Variants in CACNA2D3 observed in about 807,000 individuals in gnomAD.
CACNA2D3 encodes voltage-dependent calcium channel subunit alpha-2/delta-3.
A neutral mutation model predicts 160.6 loss-of-function variants in CACNA2D3; 60 were observed. The ratio of observed to expected loss-of-function variants is 0.37; its 90% CI spans 0.30 to 0.46. CACNA2D3 has a LOEUF of 0.46. Ranked by LOEUF, CACNA2D3 falls within the 20% of genes least tolerant of loss-of-function variation. The pLI, the probability that CACNA2D3 is intolerant of heterozygous loss-of-function variation, is 1.00. For synonymous variants in CACNA2D3, 558 were observed against 492.9 expected, an observed-to-expected ratio of 1.13 and a Z score of -1.75; for missense variants, 1,205 against 1,365.0, an observed-to-expected ratio of 0.88 and a Z score of 1.85.
In CACNA2D3 at chr3:54,687,115, C is replaced by CTTTTTTTTTTTTT. The variant is rs1338617031; in HGVS notation, c.1167+44879_1167+44880insTTTTTTTTTTTTT. 5.9e-4 allele frequency among the ~76,000 whole-genome samples: 24 copies of CTTTTTTTTTTTTT among 40,904 alleles called. 1 individual carries two copies. The highest frequency in any genetic ancestry group is 1.9e-3 in the South Asian group (2 of 1,072). 26.8% of individuals were successfully genotyped at this position (40,904 alleles called of 152,430 possible). A position where few individuals can be genotyped will look rare whatever the true frequency, so the allele number is the denominator to read the frequency against. ...TTATTCAAATCGGATTTTTCTTTTT[C>CTTTTTTTTTTTTT]TTTTTCTTTTTTTTTTTTTGTTTTT... is the stretch of plus-strand genomic sequence containing the variant. On this transcript the variant is annotated intron_variant, in intron 11 of 37. Transcript: ENST00000474759.
Position 54,678,720 on chromosome 3 carries a change from C to CAAAAAAAAAAAAAAAAAAAA in CACNA2D3, c.1167+36489_1167+36508dup, listed in dbSNP as rs71096434. On this transcript the variant is annotated intron_variant, in intron 11 of 37. Coordinates refer to ENST00000474759, the MANE Select transcript of CACNA2D3 (RefSeq NM_018398.3). ...TGGGTGACAGAGTGAGACTCGGTCT[C>CAAAAAAAAAAAAAAAAAAAA]AAAAAAAAAAAAAAAAAAAAAAAAA... 1.1e-4 allele frequency among the ~76,000 whole-genome samples: 5 copies of CAAAAAAAAAAAAAAAAAAAA among 45,918 alleles called. 1 individual carries two copies. Among genetic ancestry groups the CAAAAAAAAAAAAAAAAAAAA allele is most frequent in the Non-Finnish European group, 1.8e-4 (5 of 28,278 alleles). The allele number at this position is 45,918 out of a possible 152,430, so 30.1% of individuals were successfully genotyped here.
At chr3:54,131,469 G>A (rs1163780116) in intron 2 of CACNA2D3, among the ~76,000 whole-genome samples, 1 of 152,232 alleles carries the variant, frequency 6.6e-6, no homozygotes, top group Non-Finnish European at 1.5e-5. Flanking sequence ...TTCCCTTGCT[G>A]TGGGAGCTTG....
chr3:54,170,216 G>A (rs1700538138), intron 2 of CACNA2D3, among the ~76,000 whole-genome samples: 1 of 151,642 alleles, frequency 6.6e-6, no homozygotes, highest in African/African-American at 2.4e-5. Context: ...AAAGTGAGGG[G>A]GTAAGGATGG....
intron 4 of CACNA2D3, among the ~76,000 whole-genome samples, chr3:54,449,217 AAG>A (rs1491581939): frequency 6.6e-6 from 1 of 152,304 alleles, no homozygotes; most frequent in African/African-American, 2.4e-5. Flanking sequence ...GACAAACCAC[AAG>A]AGAGAGAGCG....
At chr3:55,022,508 G>GT (rs1160393169) in intron 35 of CACNA2D3, among the ~76,000 whole-genome samples, 2 of 150,824 alleles carry the variant, frequency 1.3e-5, no homozygotes, top group East Asian at 3.9e-4. Flanking sequence ...TATTCCTCAT[G>GT]TTTTTTCTTT....
At chr3:54,489,236 G>A (rs13064139) in intron 4 of CACNA2D3, among the ~76,000 whole-genome samples, 1 of 152,190 alleles carries the variant, frequency 6.6e-6, no homozygotes, top group Non-Finnish European at 1.5e-5. Flanking sequence ...ACTCAGGTTG[G>A]TATTTCTGGA....
intron 11 of CACNA2D3, among the ~76,000 whole-genome samples, chr3:54,744,039 G>A (rs1701702717): frequency 6.6e-6 from 1 of 152,160 alleles, no homozygotes; most frequent in South Asian, 2.1e-4. Flanking sequence ...ATGATGTGAT[G>A]TGCATCATAA....
At chr3:54,664,920 C>T (rs1284190921) in intron 11 of CACNA2D3, among the ~76,000 whole-genome samples, 1 of 152,184 alleles carries the variant, frequency 6.6e-6, no homozygotes, top group Non-Finnish European at 1.5e-5. Context: ...TGCCCTGCTC[C>T]ATGCAGGCTA....
intron 14 of CACNA2D3, among the ~76,000 whole-genome samples, chr3:54,818,844 A>G: frequency 6.6e-6 from 1 of 152,220 alleles, no homozygotes; most frequent in East Asian, 1.9e-4. Flanking sequence ...CAAAATATTA[A>G]GAGATCTATG....
intron 35 of CACNA2D3, among the ~76,000 whole-genome samples, chr3:55,023,339 C>T (rs1703500272): frequency 6.6e-6 from 1 of 152,086 alleles, no homozygotes; most frequent in East Asian, 1.9e-4. Flanking sequence ...TCTTTAAACT[C>T]ATATTCCAGT....
chr3:54,239,916 CTT>C (rs1226529735), intron 2 of CACNA2D3, among the ~76,000 whole-genome samples: 18 of 152,330 alleles, frequency 1.2e-4, no homozygotes, highest in Middle Eastern at 3.4e-3. Context: ...AATAAAATCA[CTT>C]TACACTAGGC....
At chr3:54,613,545 C>T (rs57710606) in intron 9 of CACNA2D3, among the ~76,000 whole-genome samples, 1,847 of 152,282 alleles carry the variant, frequency 0.012, 45 homozygotes, top group African/African-American at 0.043. Context: ...ATCTAAGGGT[C>T]GCTGAGAAGG....
Position 54,890,746 on chromosome 3 carries a change from T to G in CACNA2D3, c.2151-609T>G, listed in dbSNP as rs1700046006. ...TACAGAGCTATTGGAAGAAGCCATT[T>G]CTTTACACATCTCTTTGGGGTTGGT... On this transcript the variant is annotated intron_variant, in intron 24 of 37. Transcript: ENST00000474759. Among the ~76,000 whole-genome samples the G allele has an allele frequency of 2.0e-5, 3 of 152,324 alleles. No homozygotes were observed. The South Asian group carries it at 6.2e-4, about 32-fold the overall frequency.
At chr3:54,353,730 G>A (rs1698604043) in intron 3 of CACNA2D3, among the ~76,000 whole-genome samples, 2 of 152,118 alleles carry the variant, frequency 1.3e-5, no homozygotes, top group African/African-American at 4.8e-5. Flanking sequence ...CAGTAGATTA[G>A]GGAGATGAAA....
rs753240626 is a variant in CACNA2D3, at chr3:54,821,697, T to TTTCTTTCTTTCCTTCCTTCC, written c.1398+4830_1398+4831insTTTCTTTCCTTCCTTCCTTC. Among the ~76,000 whole-genome samples the TTTCTTTCTTTCCTTCCTTCC allele has an allele frequency of 2.3e-3, 191 of 84,090 alleles. 2 individuals are homozygous for TTTCTTTCTTTCCTTCCTTCC. The highest frequency in any genetic ancestry group is 0.019 in the East Asian group (57 of 3,052). 55.2% of individuals were successfully genotyped at this position (84,090 alleles called of 152,430 possible). On this transcript the variant is annotated intron_variant, in intron 14 of 37. Transcript: ENST00000474759. The stretch of plus-strand genomic sequence containing the variant: ...CTTTCTTTCTTTCTTTCTTTCTTTC[T>TTTCTTTCTTTCCTTCCTTCC]TTCCTTCCTTCCTTCTTTCCTCTCT...
At position 54,562,947 on chromosome 3, in the gene CACNA2D3, TTGACAG is replaced by T. The variant is rs1702350780; in HGVS notation, c.676+18_676+23del. On this transcript the variant is annotated intron_variant, in intron 6 of 37. Coordinates refer to ENST00000474759, the MANE Select transcript of CACNA2D3 (RefSeq NM_018398.3). ...CAGTATCCGGGTGAGTATACCTGCA[TTGACAG>T]TTATGACTCAGATTAATGATAACTG... The T allele has an allele frequency of 6.2e-7, 1 of 1,610,210 alleles. No individual in the cohort carries two copies. The highest frequency in any genetic ancestry group is 8.5e-7 in the Non-Finnish European group (1 of 1,177,228).
intron 12 of CACNA2D3, among the ~76,000 whole-genome samples, chr3:54,761,404 T>A (rs1702078085): frequency 6.6e-6 from 1 of 152,230 alleles, no homozygotes; most frequent in Non-Finnish European, 1.5e-5. Flanking sequence ...GCCCAAGATT[T>A]GCCTACTAAA....
chr3:54,245,522 G>A (rs936220947), intron 2 of CACNA2D3, among the ~76,000 whole-genome samples: 2 of 152,200 alleles, frequency 1.3e-5, no homozygotes, highest in Admixed American at 6.5e-5. Flanking sequence ...CCAGAGCCTG[G>A]TGTTCTGGAC....
At chr3:54,798,403 G>A (rs779268392) in intron 13 of CACNA2D3, among the ~76,000 whole-genome samples, 2 of 152,032 alleles carry the variant, frequency 1.3e-5, no homozygotes, top group Non-Finnish European at 1.5e-5. Context: ...AGGCGCGTTG[G>A]CATGTACCTG....
Sources: gnomAD v4.1 joint callset for allele counts (sites outside exome capture counted in the v4.1 genomes callset) on GRCh38, gnomAD v4.1.1 for gene constraint, MANE v1.5 for transcripts, NCBI Gene and HGNC (gene_info 2026-07-23, HGNC 2026-07-21) for gene names.